Variants in CTNNA2 observed in about 807,000 individuals in gnomAD.
The protein encoded by CTNNA2 is catenin alpha-2.
A neutral mutation model predicts 101.0 loss-of-function variants in CTNNA2; 42 were observed. That is an observed-to-expected ratio of 0.42 (90% CI 0.32 to 0.54). The LOEUF (loss-of-function observed/expected upper bound fraction) is 0.54, where lower values mean the gene tolerates loss of function less well. Among genes scored for constraint, CTNNA2 ranks in the 20% least tolerant of loss-of-function variants. The probability of loss-of-function intolerance (pLI) is 0.14; values close to 1 mark genes in which losing one functional copy is unlikely to be tolerated. For missense variants in CTNNA2, 871 were observed against 1,223.1 expected, an observed-to-expected ratio of 0.71 and a Z score of 4.29; for synonymous variants, 450 against 456.4, an observed-to-expected ratio of 0.99 and a Z score of 0.18.
intron 7 of CTNNA2, among the ~76,000 whole-genome samples, chr2:79,944,871 A>G (rs1339910905): frequency 1.4e-5 from 2 of 148,136 alleles, no homozygotes; most frequent in Admixed American, 6.8e-5. Context: ...AAGGTTCATT[A>G]AAGACAGTTT....
intron 7 of CTNNA2, among the ~76,000 whole-genome samples, chr2:80,191,586 A>C (rs1049793088): frequency 6.6e-6 from 1 of 152,204 alleles, no homozygotes; most frequent in African/African-American, 2.4e-5. Context: ...TAATCTCAGT[A>C]TATACTCAAC....
chr2:79,567,301 A>G (rs796209234), intron 1 of CTNNA2, among the ~76,000 whole-genome samples: 5 of 152,230 alleles, frequency 3.3e-5, no homozygotes, highest in African/African-American at 1.2e-4. Flanking sequence ...TCTTCAAAAG[A>G]TGGAATTTTC....
At chr2:80,411,924 CTT>C (rs1275050260) in intron 8 of CTNNA2, among the ~76,000 whole-genome samples, 1 of 152,280 alleles carries the variant, frequency 6.6e-6, no homozygotes, top group East Asian at 1.9e-4. Flanking sequence ...TTCCCCAATG[CTT>C]TTCTGCTCTT....
intron 7 of CTNNA2, among the ~76,000 whole-genome samples, chr2:80,032,689 G>T (rs375410835): frequency 1.3e-5 from 2 of 152,154 alleles, no homozygotes; most frequent in Non-Finnish European, 2.9e-5. Context: ...CTATAAAATA[G>T]CTGGTTAGAA....
At chr2:80,602,215 G>T (rs544287559) in intron 15 of CTNNA2, among the ~76,000 whole-genome samples, 31 of 151,872 alleles carry the variant, frequency 2.0e-4, no homozygotes, top group African/African-American at 7.5e-4. Flanking sequence ...TAACATACTA[G>T]TAAGTCTATG....
At chr2:79,480,251 C>T (rs1170971655) in intron 4 of CTNNA2, among the ~76,000 whole-genome samples, 3 of 152,076 alleles carry the variant, frequency 2.0e-5, no homozygotes, top group Admixed American at 2.0e-4. Flanking sequence ...CATGAGAGAT[C>T]CACTCCCAGG....
intron 7 of CTNNA2, among the ~76,000 whole-genome samples, chr2:79,986,982 C>CA (rs1691811089): frequency 6.6e-6 from 1 of 152,168 alleles, no homozygotes; most frequent in South Asian, 2.1e-4. Context: ...CTTGCTGCCT[C>CA]AAGGTGGAAG....
At chr2:79,274,676 T>C (rs1675167730) in intron 2 of CTNNA2, among the ~76,000 whole-genome samples, 1 of 152,102 alleles carries the variant, frequency 6.6e-6, no homozygotes, top group African/African-American at 2.4e-5. Flanking sequence ...CCATATATTG[T>C]GAGGTTTCTC....
intron 4 of CTNNA2, among the ~76,000 whole-genome samples, chr2:79,863,138 A>G (rs115438086): frequency 0.021 from 3,009 of 142,122 alleles, 101 homozygotes; most frequent in African/African-American, 0.074. Context: ...GGTAGCTCAA[A>G]CAAACAAACA....
At chr2:79,213,994 G>C (rs923399199) in intron 2 of CTNNA2, among the ~76,000 whole-genome samples, 1 of 152,154 alleles carries the variant, frequency 6.6e-6, no homozygotes, top group African/African-American at 2.4e-5. Flanking sequence ...AACACTACAG[G>C]GTGGGGTCCT....
intron 4 of CTNNA2, among the ~76,000 whole-genome samples, chr2:79,381,060 G>A (rs1678033134): frequency 6.6e-6 from 1 of 152,108 alleles, no homozygotes; most frequent in African/African-American, 2.4e-5. Flanking sequence ...AATTTTTCGG[G>A]GACAGATTGG....
At chr2:79,918,298 G>T (rs537755539) in intron 7 of CTNNA2, among the ~76,000 whole-genome samples, 20 of 152,276 alleles carry the variant, frequency 1.3e-4, no homozygotes, top group Admixed American at 2.6e-4. Flanking sequence ...TGACAAGAAA[G>T]TAATTAACTG....
At chr2:80,409,344 A>G (rs1371676275) in intron 8 of CTNNA2, among the ~76,000 whole-genome samples, 36 of 152,206 alleles carry the variant, frequency 2.4e-4, no homozygotes, top group Non-Finnish European at 4.4e-5. Context: ...TAGAAACATT[A>G]GACTTTTTTA....
intron 7 of CTNNA2, among the ~76,000 whole-genome samples, chr2:79,965,721 G>A (rs1186197404): frequency 6.6e-6 from 1 of 151,228 alleles, no homozygotes; most frequent in African/African-American, 2.4e-5. Flanking sequence ...ATACTTGGGA[G>A]GCTGAGGCAT....
chr2:80,265,605 C>A (rs891904331), intron 7 of CTNNA2, among the ~76,000 whole-genome samples: 1 of 152,148 alleles, frequency 6.6e-6, no homozygotes, highest in Non-Finnish European at 1.5e-5. Flanking sequence ...TGCTTACTGG[C>A]CTTACATTGA....
intron 1 of CTNNA2, among the ~76,000 whole-genome samples, chr2:79,187,089 G>T (rs546986987): frequency 6.6e-6 from 1 of 152,050 alleles, no homozygotes; most frequent in African/African-American, 2.4e-5. Context: ...ATGGTGGAAT[G>T]GGGGTGTTTA....
At chr2:80,474,869 C>T (rs924107852) in intron 9 of CTNNA2, among the ~76,000 whole-genome samples, 1 of 152,194 alleles carries the variant, frequency 6.6e-6, no homozygotes, top group Non-Finnish European at 1.5e-5. Flanking sequence ...TTGTAGCATT[C>T]TTCCCTGGGG....
chr2:79,370,436 T>A (rs1329782732), intron 3 of CTNNA2, among the ~76,000 whole-genome samples: 3 of 152,172 alleles, frequency 2.0e-5, no homozygotes, highest in Non-Finnish European at 4.4e-5. Context: ...TTGCCCTCCT[T>A]CATTTTCTTT....
chr2:79,730,734 CAT>C (rs1687144799), intron 2 of CTNNA2, among the ~76,000 whole-genome samples: 1 of 151,820 alleles, frequency 6.6e-6, no homozygotes, highest in African/African-American at 2.4e-5. Context: ...AAATATGTGT[CAT>C]ATGACAAAAC....
Sources: gnomAD v4.1 joint callset for allele counts (sites outside exome capture counted in the v4.1 genomes callset) on GRCh38, gnomAD v4.1.1 for gene constraint, MANE v1.5 for transcripts, NCBI Gene and HGNC (gene_info 2026-07-23, HGNC 2026-07-21) for gene names.